ACYP2: variants seen among roughly 807,000 people sequenced by gnomAD.
ACYP2 encodes the protein acylphosphatase 2, also known as acylphosphatase-2.
ACYP2 carries 12 observed loss-of-function variants against 11.2 expected under a neutral mutation model. That is an observed-to-expected ratio of 1.08 (90% CI 0.69 to 1.74). ACYP2 has a LOEUF of 1.74. ACYP2 is among the 40% of genes most tolerant of loss of function. The pLI is 0.00. For missense variants in ACYP2, 134 were observed against 101.9 expected, an observed-to-expected ratio of 1.31 and a Z score of -1.35; for synonymous variants, 43 against 32.2, an observed-to-expected ratio of 1.33 and a Z score of -1.13.
intron 4 of ACYP2, among the ~76,000 whole-genome samples, chr2:54,079,050 A>G (rs1422175544): frequency 6.6e-6 from 1 of 152,236 alleles, no homozygotes; most frequent in Non-Finnish European, 1.5e-5. Flanking sequence ...TTGTAGTAGT[A>G]TTAGAATCAA....
chr2:54,135,897 A>T (rs2103776723), intron 5 of ACYP2, among the ~76,000 whole-genome samples: 1 of 152,258 alleles, frequency 6.6e-6, no homozygotes, highest in South Asian at 2.1e-4. Context: ...CGTGTTTTAA[A>T]ATTTATTTAT....
chr2:54,068,144 G>T lies in ACYP2; in HGVS notation c.277+10784G>T, dbSNP rs547520036. On this transcript the variant is annotated intron_variant, in intron 4 of 6. Coordinates refer to ENST00000607452, the MANE Select transcript of ACYP2 (RefSeq NM_001320586.2). ...GAGATTGATTCTCTAATGCTCTTGG[G>T]ATTTTCTCTGTGCCTTTAGTTGGTT... Among the ~76,000 whole-genome samples the T allele has an allele frequency of 2.8e-4, 43 of 152,292 alleles. 1 individual carries two copies. The highest frequency in any genetic ancestry group is 9.9e-4 in the African/African-American group (41 of 41,556).
chr2:53,994,360 A>T (rs1245040068), intron 2 of ACYP2, among the ~76,000 whole-genome samples: 2 of 150,440 alleles, frequency 1.3e-5, no homozygotes, highest in Non-Finnish European at 3.0e-5. Context: ...AAACGAAAAA[A>T]AACAAAATAT....
chr2:54,027,014 C>T (rs931121222), intron 2 of ACYP2, among the ~76,000 whole-genome samples: 4 of 152,108 alleles, frequency 2.6e-5, no homozygotes, highest in Admixed American at 2.6e-4. Context: ...AAAGAACTTA[C>T]CATGTAACCA....
chr2:54,032,390 G>C (rs559236012), intron 2 of ACYP2, among the ~76,000 whole-genome samples: 2 of 152,222 alleles, frequency 1.3e-5, no homozygotes, highest in South Asian at 4.1e-4. Flanking sequence ...GGAATCCTTC[G>C]CCCATGTCTT....
intron 2 of ACYP2, among the ~76,000 whole-genome samples, chr2:54,008,727 A>G (rs1673204044): frequency 6.6e-6 from 1 of 152,026 alleles, no homozygotes; most frequent in Non-Finnish European, 1.5e-5. Context: ...GATCTTGTGA[A>G]CTCCTGTGTT....
intron 5 of ACYP2, among the ~76,000 whole-genome samples, chr2:54,136,593 T>A (rs1215128088): frequency 6.6e-6 from 1 of 152,206 alleles, no homozygotes; most frequent in Non-Finnish European, 1.5e-5. Context: ...CTGTTACCAT[T>A]TTGATTTGTG....
intron 6 of ACYP2, among the ~76,000 whole-genome samples, chr2:54,158,044 G>C (rs930295457): frequency 6.6e-6 from 1 of 151,262 alleles, no homozygotes; most frequent in African/African-American, 2.4e-5. Flanking sequence ...TTATTTTTTT[G>C]AGATGGAGGC....
At chr2:54,159,915 C>T (rs945099688) in intron 6 of ACYP2, among the ~76,000 whole-genome samples, 15 of 152,106 alleles carry the variant, frequency 9.9e-5, no homozygotes, top group Admixed American at 7.2e-4. Context: ...CTTGTCTCCA[C>T]GCCTTGCTGA....
chr2:54,004,418 T>C, intron 2 of ACYP2, among the ~76,000 whole-genome samples: 1 of 144,818 alleles, frequency 6.9e-6, no homozygotes, highest in South Asian at 2.2e-4. Context: ...TTTTTTTTTT[T>C]TTTTTTTTTT....
chr2:54,019,971 C>G (rs1673916442), intron 2 of ACYP2, among the ~76,000 whole-genome samples: 1 of 151,948 alleles, frequency 6.6e-6, no homozygotes, highest in Admixed American at 6.6e-5. Flanking sequence ...GAGACGGAAT[C>G]TCACTCTTTT....
chr2:54,074,771 G>A (rs1677239631), intron 4 of ACYP2, among the ~76,000 whole-genome samples: 1 of 152,164 alleles, frequency 6.6e-6, no homozygotes, highest in Non-Finnish European at 1.5e-5. Flanking sequence ...TAGAGATGCA[G>A]GGATGAGTCA....
At chr2:54,008,328 A>G (rs963415891) in intron 2 of ACYP2, among the ~76,000 whole-genome samples, 4 of 152,162 alleles carry the variant, frequency 2.6e-5, no homozygotes, top group East Asian at 1.9e-4. Flanking sequence ...CATTCATCCA[A>G]TTGGAAGTCT....
At chr2:54,128,871 T>C (rs1680716596) in intron 4 of ACYP2, among the ~76,000 whole-genome samples, 1 of 152,106 alleles carries the variant, frequency 6.6e-6, no homozygotes, top group South Asian at 2.1e-4. Context: ...TTCACTTCTC[T>C]GAAACACTCA....
chr2:54,008,652 C>G (rs556577697), intron 2 of ACYP2, among the ~76,000 whole-genome samples: 1 of 152,134 alleles, frequency 6.6e-6, no homozygotes, highest in Non-Finnish European at 1.5e-5. Flanking sequence ...CATTCCACCA[C>G]GCCTGGTTAA....
chr2:54,085,570 A>C (rs1353844882), intron 4 of ACYP2, among the ~76,000 whole-genome samples: 1 of 152,180 alleles, frequency 6.6e-6, no homozygotes, highest in Non-Finnish European at 1.5e-5. Context: ...GACCAGAAAT[A>C]TGCTGAAGAA....
At chr2:54,290,665 C>T (rs893191737) in intron 6 of ACYP2, among the ~76,000 whole-genome samples, 2 of 152,044 alleles carry the variant, frequency 1.3e-5, no homozygotes, top group African/African-American at 2.4e-5. Flanking sequence ...AGTTCTCTAT[C>T]GGCTAATGGC....
Position 54,138,203 on chromosome 2 carries a change from T to C in ACYP2, c.295-436T>C, listed in dbSNP as rs114284324. On this transcript the variant is annotated intron_variant, in intron 5 of 6. Coordinates refer to ENST00000607452, the MANE Select transcript of ACYP2 (RefSeq NM_001320586.2). ...AAGTGTTGTAGTCTCTATTTCTGCTTATCAATACTCTATGTTGATCATAAT... is the reference window on the plus strand; with the variant it reads ...AAGTGTTGTAGTCTCTATTTCTGCTCATCAATACTCTATGTTGATCATAAT... 2.6e-3 allele frequency among the ~76,000 whole-genome samples: 396 copies of C among 152,342 alleles called. 5 individuals carry two copies. Among genetic ancestry groups the C allele is most frequent in the African/African-American group, 9.2e-3 (383 of 41,576 alleles).
intron 6 of ACYP2, among the ~76,000 whole-genome samples, chr2:54,265,910 T>TATC (rs1374319548): frequency 6.6e-6 from 1 of 152,220 alleles, no homozygotes; most frequent in Non-Finnish European, 1.5e-5. Flanking sequence ...TTATTTTTGC[T>TATC]ATCTAGGACT....
Sources: allele counts gnomAD v4.1 joint callset (sites outside exome capture counted in the v4.1 genomes callset), GRCh38; gene constraint gnomAD v4.1.1; transcripts MANE v1.5; gene names NCBI Gene and HGNC (gene_info 2026-07-23, HGNC 2026-07-21).